Variants in NOTCH2 observed in about 807,000 individuals in gnomAD.
NOTCH2 encodes neurogenic locus notch homolog protein 2.
Under a neutral mutation model 235.8 loss-of-function variants are expected in NOTCH2, and 29 were observed. That is an observed-to-expected ratio of 0.12 (90% CI 0.09 to 0.17). The LOEUF (loss-of-function observed/expected upper bound fraction) is 0.17. Among genes scored for constraint, NOTCH2 ranks in the 10% least tolerant of loss-of-function variants. NOTCH2 has a pLI of 1.00. For synonymous variants in NOTCH2, 1,086 were observed against 1,141.5 expected (o/e 0.95, Z 0.98); for missense variants, 2,285 against 3,150.2 (o/e 0.73, Z 6.57).
At position 119,912,952 on chromosome 1, in the gene NOTCH2, T is replaced by A. The variant is rs932927473; in HGVS notation, c.*2354A>T. ...AGTCCAAGAAAAAGAAACAAGCAAT[T>A]TGGTCTGACATTGTGCTTAAGGAAA... On this transcript the variant is annotated 3_prime_UTR_variant, in exon 34 of 34. Transcript: ENST00000256646. 3 of 233,312 alleles carry A rather than the reference T, an allele frequency of 1.3e-5. No individual in the cohort carries two copies. Among genetic ancestry groups the A allele is most frequent in the Admixed American group, 5.6e-5 (1 of 17,758 alleles). 14.5% of individuals were successfully genotyped at this position (233,312 alleles called of 1,614,324 possible).
chr1:119,986,308 C>T (rs1204703637), intron 5 of NOTCH2, among the ~76,000 whole-genome samples: 3 of 152,104 alleles, frequency 2.0e-5, no homozygotes, highest in Non-Finnish European at 2.9e-5. Context: ...CAAATGTCTG[C>T]GTAAATCACT....
intron 2 of NOTCH2, 136 bp from the exon 3 acceptor site, chr1:120,005,724 T>C: frequency 5.3e-6 from 3 of 569,534 alleles, no homozygotes; most frequent in Non-Finnish European, 9.0e-6. Context: ...CCTATAAAAC[T>C]GCTTCCCTTT....
At chr1:120,005,881 CT>C (rs1277097709) in intron 2 of NOTCH2, among the ~76,000 whole-genome samples, 66 of 108,862 alleles carry the variant, frequency 6.1e-4, no homozygotes, top group African/African-American at 2.2e-3. Flanking sequence ...TGCACCCCAG[CT>C]TTTTTTCATG....
Position 119,967,042 on chromosome 1 carries a change from T to C in NOTCH2, c.1453+391A>G, listed in dbSNP as rs114421644. Among the ~76,000 whole-genome samples the C allele has an allele frequency of 9.9e-3, 1,515 of 152,362 alleles. 15 individuals carry two copies. The highest frequency in any genetic ancestry group is 0.015 in the Non-Finnish European group (1,039 of 68,034). On this transcript the variant is annotated intron_variant, in intron 8 of 33. Coordinates refer to ENST00000256646, the MANE Select transcript of NOTCH2 (RefSeq NM_024408.4). ...AACTAAACATGTACTGCACTTTAGA[T>C]AAATGGAAACTTCCTATATAATTGT... is the stretch of plus-strand genomic sequence containing the variant.
chr1:119,957,735 T>C (rs1451665052), intron 12 of NOTCH2, among the ~76,000 whole-genome samples: 1 of 152,082 alleles, frequency 6.6e-6, no homozygotes, highest in Non-Finnish European at 1.5e-5. Context: ...ATGTTCTCCC[T>C]TCTTGGCCTT....
chr1:120,050,021 GAAGATAACCAGATATTA>G (rs1338180074), intron 1 of NOTCH2, among the ~76,000 whole-genome samples: 6 of 104,258 alleles, frequency 5.8e-5, no homozygotes, highest in African/African-American at 1.0e-4. Flanking sequence ...ACTTCAGAAA[GAAGATAACCAGATATTA>G]AAGATAACCA....
chr1:119,944,385 A>G (rs1650178186), intron 17 of NOTCH2, among the ~76,000 whole-genome samples: 1 of 151,982 alleles, frequency 6.6e-6, no homozygotes, highest in African/African-American at 2.4e-5. Flanking sequence ...AATACAAAAA[A>G]TCAGCCGGGC....
At chr1:119,996,702 C>G in intron 4 of NOTCH2, 1 of 1,189,878 alleles carries the variant, frequency 8.4e-7, no homozygotes, top group South Asian at 1.2e-5. Flanking sequence ...TCCAGACTTG[C>G]CTGTCCCTTT....
chr1:119,935,093 T>TA (rs1227861388), intron 22 of NOTCH2: 3 of 984,614 alleles, frequency 3.0e-6, no homozygotes, highest in East Asian at 1.1e-4. Context: ...CTTGGCTAAT[T>TA]AAAAAAATAC....
At chr1:119,969,809 C>A in intron 5 of NOTCH2, 65 bp from the exon 6 acceptor site, 1 of 1,347,558 alleles carries the variant, frequency 7.4e-7, no homozygotes, top group Non-Finnish European at 1.1e-6. Context: ...CCATACCAGC[C>A]CCCCACACTC....
intron 4 of NOTCH2, among the ~76,000 whole-genome samples, chr1:119,988,944 G>A (rs782001086): frequency 3.3e-5 from 5 of 152,216 alleles, no homozygotes; most frequent in Non-Finnish European, 7.3e-5. Context: ...CAAGAAAGCA[G>A]AAGCATTTCA....
At chr1:119,930,795 C>T (rs1436080098) in intron 22 of NOTCH2, among the ~76,000 whole-genome samples, 8 of 125,770 alleles carry the variant, frequency 6.4e-5, no homozygotes, top group African/African-American at 2.1e-4. Context: ...TAATAATAAT[C>T]ATAATTAAAA....
rs1335981584 is a variant in NOTCH2, at chr1:119,966,588, T to C, written c.1454-99A>G. 3 of 822,876 alleles carry C rather than the reference T, an allele frequency of 3.6e-6. No individual in the cohort carries two copies. The African/African-American group carries it at 5.0e-5, about 14-fold the overall frequency. 51.0% of individuals were successfully genotyped at this position (822,876 alleles called of 1,614,324 possible). A position where few individuals can be genotyped will look rare whatever the true frequency, so the allele number is the denominator to read the frequency against. ...CAATGATAACTACATCCTTTGCGAG[T>C]ACACACATTTCTGCAGAGAAAAAAG... is the stretch of plus-strand genomic sequence containing the variant. On this transcript the variant is annotated intron_variant, in intron 8 of 33. Coordinates refer to ENST00000256646, the MANE Select transcript of NOTCH2 (RefSeq NM_024408.4).
At chr1:119,976,646 C>T (rs1161678820) in intron 5 of NOTCH2, among the ~76,000 whole-genome samples, 3 of 152,026 alleles carry the variant, frequency 2.0e-5, no homozygotes, top group Admixed American at 6.6e-5. Context: ...AAGTAGAATG[C>T]GCCACTCGCT....
intron 3 of NOTCH2, among the ~76,000 whole-genome samples, chr1:120,005,030 CTCCTGCCTTG>C (rs1452209440): frequency 2.0e-5 from 3 of 152,226 alleles, no homozygotes; most frequent in African/African-American, 7.2e-5. Context: ...TCAAGTGATC[CTCCTGCCTTG>C]GCCTGCCAAA....
chr1:120,038,139 AG>A (rs1654388290), intron 1 of NOTCH2, among the ~76,000 whole-genome samples: 1 of 152,160 alleles, frequency 6.6e-6, no homozygotes, highest in Non-Finnish European at 1.5e-5. Flanking sequence ...TAAAGACTTC[AG>A]AAAAAAATTC....
intron 4 of NOTCH2, among the ~76,000 whole-genome samples, chr1:119,987,906 A>G (rs1652082606): frequency 6.6e-6 from 1 of 152,136 alleles, no homozygotes; most frequent in Non-Finnish European, 1.5e-5. Context: ...ACTTCACTCT[A>G]ACTGCCCACA....
chr1:119,919,901 C>A (rs587691649), intron 30 of NOTCH2, among the ~76,000 whole-genome samples: 32 of 152,262 alleles, frequency 2.1e-4, no homozygotes, highest in South Asian at 1.7e-3. Context: ...TTAAAAATAT[C>A]TAATATTAAT....
rs772488957 is a variant in NOTCH2, at chr1:119,922,417, G to A, written c.5032C>T (p.Leu1678Phe). 4 of 1,613,620 alleles carry A rather than the reference G, an allele frequency of 2.5e-6. No individual in the cohort carries two copies. The Admixed American group carries it at 5.0e-5, about 20-fold the overall frequency. The change falls in exon 28 of 34, where the codon CTC becomes TTC. Residue 1678 changes from leucine to phenylalanine, a missense_variant. Leu to Phe is a conservative substitution (Grantham distance 22, BLOSUM62 0). Around this residue, in one of 6 missense-constraint regions of NOTCH2, gnomAD observed 1,173 missense variants for 1,515.3 expected, o/e 0.77. Coordinates refer to ENST00000256646, the MANE Select transcript of NOTCH2 (RefSeq NM_024408.4). ...SESLTPERTQ[L>F]LYLLAVAVVI... is the part of the protein sequence containing the mutation. ...ACAGCAACAGCAAGGAGATAGAGGA[G>A]CTGAGTGCGTTCTGGAGTCAGGGAT...
Sources: gnomAD v4.1 joint callset for allele counts (sites outside exome capture counted in the v4.1 genomes callset) on GRCh38, gnomAD v4.1.1 for gene constraint, gnomAD v4.1.1 regional missense constraint, MANE v1.5 for transcripts, NCBI Gene and HGNC (gene_info 2026-07-23, HGNC 2026-07-21) for gene names.